ATXN10: variants seen among roughly 807,000 people sequenced by gnomAD.
The protein encoded by ATXN10 is ataxin-10.
Under a neutral mutation model 52.9 loss-of-function variants are expected in ATXN10, and 28 were observed. The observed-to-expected ratio is 0.53, with a 90% CI of 0.39 to 0.73. The LOEUF is 0.73. Ranked by LOEUF, ATXN10 falls within the 30% of genes least tolerant of loss-of-function variation. The pLI, the probability that ATXN10 is intolerant of heterozygous loss-of-function variation, is 0.00. For synonymous variants in ATXN10, 226 were observed against 221.5 expected (o/e 1.02, Z -0.18); for missense variants, 565 against 577.0 (o/e 0.98, Z 0.21).
At chr22:45,785,100 A>AG (rs1333313441) in intron 9 of ATXN10, among the ~76,000 whole-genome samples, 2 of 152,236 alleles carry the variant, frequency 1.3e-5, no homozygotes, top group African/African-American at 4.8e-5. Context: ...GTGCCGAAAC[A>AG]GCTTTTCAGA....
rs1291734008 is a variant in ATXN10 at position 45,787,708 on chromosome 22, A to G, written c.1174-19251A>G. 6.6e-6 allele frequency among the ~76,000 whole-genome samples: 1 copy of G among 152,234 alleles called. No individual in the cohort carries two copies. Among genetic ancestry groups the G allele is most frequent in the Non-Finnish European group, 1.5e-5 (1 of 68,042 alleles). ...ATGTTTGTCTGTGTGTTATTCCTGT[A>G]TAATTTTAACAGAACACAGTAGGAC... On this transcript the variant is annotated intron_variant, in intron 9 of 11. Coordinates refer to ENST00000252934, the MANE Select transcript of ATXN10 (RefSeq NM_013236.4). This position sits in a 1 kb window ranked among gnomAD's most constrained non-coding sequence, Gnocchi z 4.2.
chr22:45,738,808 G>A lies in ATXN10; in HGVS notation c.972G>A (p.Gln324=). The A allele has an allele frequency of 6.2e-7, 1 of 1,614,136 alleles. No homozygotes were observed. The highest frequency in any genetic ancestry group is 8.5e-7 in the Non-Finnish European group (1 of 1,179,988). Residue 324 remains glutamine (Q), a synonymous_variant, in exon 8 of 12, where the codon CAG becomes CAA. Transcript: ENST00000252934. ...TVNTELLGYL[Q]VFPGLLERVI... ...ATACTGAGCTGCTCGGCTATCTGCAGGTTTTCCCTGGCTTGCTGGAAAGAG... is the reference window on the plus strand; with the variant it reads ...ATACTGAGCTGCTCGGCTATCTGCAAGTTTTCCCTGGCTTGCTGGAAAGAG...
In ATXN10 at chr22:45,824,293, AT is replaced by A. The variant is rs983400922; in HGVS notation, c.1237+17274del. On this transcript the variant is annotated intron_variant, in intron 10 of 11. Transcript: ENST00000252934. This position sits in a 1 kb window ranked among gnomAD's most constrained non-coding sequence, Gnocchi z 5.2. The stretch of plus-strand genomic sequence containing the variant: ...CAACTCCTACTCACCTTTGAGTTTG[AT>A]TTAAATATTATTTATTTAAGATAAG... Among the ~76,000 whole-genome samples the A allele has an allele frequency of 6.6e-6, 1 of 152,136 alleles. No homozygotes were observed. The highest frequency in any genetic ancestry group is 2.4e-5 in the African/African-American group (1 of 41,418).
In ATXN10 at chr22:45,795,818, G is replaced by A. The variant is rs765352040; in HGVS notation, c.1174-11141G>A. Among the ~76,000 whole-genome samples the A allele has an allele frequency of 6.6e-5, 10 of 152,182 alleles. No homozygotes were observed. The highest frequency in any genetic ancestry group is 1.2e-4 in the Non-Finnish European group (8 of 68,030). On this transcript the variant is annotated intron_variant, in intron 9 of 11. Coordinates refer to ENST00000252934, the MANE Select transcript of ATXN10 (RefSeq NM_013236.4). The surrounding 1 kb of genome is among the most constrained non-coding windows in gnomAD (Gnocchi z 4.6). ...AACACTCTTATAATTTCCTATGCCT[G>A]TCTTGTCTTTAATATCTTAATCTCG...
chr22:45,776,837 T>C (rs1272579408), intron 9 of ATXN10, among the ~76,000 whole-genome samples: 2 of 152,228 alleles, frequency 1.3e-5, no homozygotes, highest in Non-Finnish European at 2.9e-5. Context: ...AATTAAATTA[T>C]GTTTTTGCCA....
Position 45,843,020 on chromosome 22 carries a change from C to T in ATXN10, c.1267C>T (p.Arg423Ter), listed in dbSNP as rs1332640458. The T allele has an allele frequency of 7.4e-6, 12 of 1,613,998 alleles. No homozygotes were observed. Among genetic ancestry groups the T allele is most frequent in the South Asian group, 4.4e-5 (4 of 91,086 alleles). Residue 423 changes from arginine (R) to a stop codon, truncating the protein, a stop_gained, in exon 11 of 12, where the codon CGA (arginine) becomes TGA (stop). Coordinates refer to ENST00000252934, the MANE Select transcript of ATXN10 (RefSeq NM_013236.4). LOFTEE classifies it high-confidence loss of function. The surrounding 1 kb of genome is among the most constrained non-coding windows in gnomAD (Gnocchi z 4.5). ...GACCCAGTGGGTGATATATGCCATC[C>T]GAAACCTTACCGAAGACAACAGCCA... ...FLTQWVIYAIRNLTEDNSQNQ... is the reference protein window; with the variant it reads ...FLTQWVIYAI
At chr22:45,771,369 G>A (rs1189006524) in intron 9 of ATXN10, among the ~76,000 whole-genome samples, 4 of 150,304 alleles carry the variant, frequency 2.7e-5, no homozygotes, top group Non-Finnish European at 5.9e-5. Flanking sequence ...AATGGCTAAT[G>A]ATGTTGGACG....
In ATXN10 at chr22:45,762,922, G is replaced by A. The variant is rs1926449988; in HGVS notation, c.1173+22384G>A. 6.6e-6 allele frequency among the ~76,000 whole-genome samples: 1 copy of A among 152,204 alleles called. No individual in the cohort carries two copies. ...CTGTGGACTGCAGAGGCATCACCTA[G>A]GGGCTTGTCTGAGATGCAGAGTCTC... On this transcript the variant is annotated intron_variant, in intron 9 of 11. Coordinates refer to ENST00000252934, the MANE Select transcript of ATXN10 (RefSeq NM_013236.4). This position sits in a 1 kb window ranked among gnomAD's most constrained non-coding sequence, Gnocchi z 4.3.
At chr22:45,812,756 C>T (rs1928324007) in intron 10 of ATXN10, among the ~76,000 whole-genome samples, 2 of 152,180 alleles carry the variant, frequency 1.3e-5, no homozygotes, top group South Asian at 2.1e-4. Context: ...TGGATAATGT[C>T]CTTCTTGGGA....
At position 45,819,812 on chromosome 22, in the gene ATXN10, G is replaced by A. The variant is rs1162094458; in HGVS notation, c.1237+12790G>A. On this transcript the variant is annotated intron_variant, in intron 10 of 11. Coordinates refer to ENST00000252934, the MANE Select transcript of ATXN10 (RefSeq NM_013236.4). The surrounding 1 kb of genome is among the most constrained non-coding windows in gnomAD (Gnocchi z 4.5). The stretch of plus-strand genomic sequence containing the variant: ...CAGCAGTGACTTTTGGATACGTTGA[G>A]AAAGTTAATACCTTTTTAAATTGCG... 6.6e-6 allele frequency among the ~76,000 whole-genome samples: 1 copy of A among 152,188 alleles called. No individual in the cohort carries two copies. Among genetic ancestry groups the A allele is most frequent in the Non-Finnish European group, 1.5e-5 (1 of 68,040 alleles).
chr22:45,714,011 G>A (rs1389288484), intron 5 of ATXN10, among the ~76,000 whole-genome samples: 1 of 152,106 alleles, frequency 6.6e-6, no homozygotes, highest in Non-Finnish European at 1.5e-5. Context: ...AAATTCATAA[G>A]TGCAATTCTG....
At chr22:45,809,833 C>T (rs541797284) in intron 10 of ATXN10, among the ~76,000 whole-genome samples, 1 of 152,324 alleles carries the variant, frequency 6.6e-6, no homozygotes, top group South Asian at 2.1e-4. Context: ...TTGTCAGCTA[C>T]ATGTGTTGCT....
rs1264330512 is a variant in ATXN10 at position 45,826,534 on chromosome 22, G to A, written c.1238-16457G>A. 1.3e-5 allele frequency among the ~76,000 whole-genome samples: 2 copies of A among 152,190 alleles called. No individual in the cohort carries two copies. Among genetic ancestry groups the A allele is most frequent in the Admixed American group, 6.5e-5 (1 of 15,282 alleles). On this transcript the variant is annotated intron_variant, in intron 10 of 11. Coordinates refer to ENST00000252934, the MANE Select transcript of ATXN10 (RefSeq NM_013236.4). The surrounding 1 kb of genome is among the most constrained non-coding windows in gnomAD (Gnocchi z 5.0). Reference sequence around the variant, plus strand: ...AGAGATAAAGAGAATCTTAAAAGCAGCAAGGAAGAAGCAGCCCATCACATG... The same window carrying A: ...AGAGATAAAGAGAATCTTAAAAGCAACAAGGAAGAAGCAGCCCATCACATG...
chr22:45,761,466 C>A (rs1382475151), intron 9 of ATXN10, among the ~76,000 whole-genome samples: 1 of 152,190 alleles, frequency 6.6e-6, no homozygotes, highest in Non-Finnish European at 1.5e-5. Context: ...CACAGTTAAA[C>A]TTTTCTAAGC....
intron 3 of ATXN10, among the ~76,000 whole-genome samples, chr22:45,694,428 G>A (rs1373606507): frequency 6.6e-6 from 1 of 152,180 alleles, no homozygotes; most frequent in African/African-American, 2.4e-5. Flanking sequence ...AAGGTGGACA[G>A]ATTGCTTGAG....
At chr22:45,692,053 G>A (rs556763056) in intron 2 of ATXN10, among the ~76,000 whole-genome samples, 2 of 152,206 alleles carry the variant, frequency 1.3e-5, no homozygotes, top group Admixed American at 6.5e-5. Flanking sequence ...AAACAGGCTG[G>A]TTATGGGGTG....
chr22:45,725,739 T>C (rs1438187967), intron 6 of ATXN10, among the ~76,000 whole-genome samples: 2 of 152,216 alleles, frequency 1.3e-5, no homozygotes, highest in Non-Finnish European at 2.9e-5. Context: ...CCTTGTCTTG[T>C]TCCAGTTCTT....
rs958725013 is a variant in ATXN10 at position 45,701,350 on chromosome 22, A to G, written c.488+972A>G. Among the ~76,000 whole-genome samples the G allele has an allele frequency of 1.3e-5, 2 of 152,204 alleles. No homozygotes were observed. The highest frequency in any genetic ancestry group is 2.9e-5 in the Non-Finnish European group (2 of 68,040). The stretch of plus-strand genomic sequence containing the variant: ...TGCCATCTGGATCTAAAGCCTATCT[A>G]TGCTCATTGTAAATACTGTGCTGCT... On this transcript the variant is annotated intron_variant, in intron 4 of 11. Transcript: ENST00000252934. The surrounding 1 kb of genome is among the most constrained non-coding windows in gnomAD (Gnocchi z 4.2).
At chr22:45,748,966 C>T (rs568268288) in intron 9 of ATXN10, among the ~76,000 whole-genome samples, 1 of 152,210 alleles carries the variant, frequency 6.6e-6, no homozygotes, top group African/African-American at 2.4e-5. Flanking sequence ...TCCAAAAACC[C>T]CTTTTCTATG....
Sources: allele counts gnomAD v4.1 joint callset (sites outside exome capture counted in the v4.1 genomes callset), GRCh38; gene constraint gnomAD v4.1.1; non-coding constraint Gnocchi (gnomAD v3.1); transcripts MANE v1.5; gene names NCBI Gene and HGNC (gene_info 2026-07-23, HGNC 2026-07-21).